Variants in ARHGAP42 observed in about 807,000 individuals in gnomAD.
ARHGAP42 encodes Rho GTPase activating protein 42.
Under a neutral mutation model 125.0 loss-of-function variants are expected in ARHGAP42, and 63 were observed. That is an observed-to-expected ratio of 0.50 (90% CI 0.41 to 0.62). The LOEUF (loss-of-function observed/expected upper bound fraction) is 0.62, where lower values mean the gene tolerates loss of function less well. ARHGAP42 is among the 20% of genes least tolerant of loss of function. The probability of loss-of-function intolerance (pLI) is 0.00; values close to 1 mark genes in which losing one functional copy is unlikely to be tolerated. For synonymous variants in ARHGAP42, 339 were observed against 351.0 expected, an observed-to-expected ratio of 0.97 and a Z score of 0.38; for missense variants, 766 against 1,024.2, an observed-to-expected ratio of 0.75 and a Z score of 3.44.
intron 1 of ARHGAP42, among the ~76,000 whole-genome samples, chr11:100,735,571 A>G (rs1436835820): frequency 6.7e-6 from 1 of 149,860 alleles, no homozygotes; most frequent in Non-Finnish European, 1.5e-5. Context: ...AACTGGGGAA[A>G]GGTTGGTGAT....
intron 3 of ARHGAP42, among the ~76,000 whole-genome samples, chr11:100,816,316 T>G (rs955503222): frequency 6.6e-6 from 1 of 151,918 alleles, no homozygotes; most frequent in Non-Finnish European, 1.5e-5. Context: ...AACACTTGTT[T>G]TTTTGTTTTT....
chr11:100,837,670 T>TA (rs1472514726), intron 3 of ARHGAP42, among the ~76,000 whole-genome samples: 20,887 of 80,136 alleles, frequency 0.26, 1,896 homozygotes, highest in East Asian at 0.42. Flanking sequence ...GTCATCCTTT[T>TA]TTTTTTTTTT....
chr11:100,960,147 C>G (rs192480355), intron 13 of ARHGAP42, among the ~76,000 whole-genome samples: 7 of 152,008 alleles, frequency 4.6e-5, no homozygotes, highest in Admixed American at 1.3e-4. Context: ...AGGCATACTT[C>G]TTTTTTAGAT....
chr11:100,744,378 G>A (rs77928972), intron 1 of ARHGAP42, among the ~76,000 whole-genome samples: 3,959 of 151,924 alleles, frequency 0.026, 68 homozygotes, highest in Non-Finnish European at 0.031. Context: ...TCTTTATCTG[G>A]TATTTTAAAG....
chr11:100,956,986 TTC>T (rs1857822473), intron 12 of ARHGAP42, among the ~76,000 whole-genome samples: 1 of 152,162 alleles, frequency 6.6e-6, no homozygotes, highest in African/African-American at 2.4e-5. Flanking sequence ...ATTTGCATTC[TTC>T]TCTAGTCAAT....
Position 100,965,581 on chromosome 11 carries a change from G to A in ARHGAP42, c.1445-90G>A. 3.9e-6 allele frequency: 4 copies of A among 1,026,668 alleles called. No individual in the cohort carries two copies. In the South Asian group the frequency reaches 5.5e-5, roughly 14 times the overall value. 63.6% of individuals were successfully genotyped at this position (1,026,668 alleles called of 1,614,324 possible). A position where few individuals can be genotyped will look rare whatever the true frequency, so the allele number is the denominator to read the frequency against. ...AATGCCTATGAGGCATGAGGGGTAG[G>A]AGTGGTAATTGTGATTAGATTACTA... On this transcript the variant is annotated intron_variant, in intron 16 of 23. Transcript: ENST00000298815.
chr11:100,778,393 T>A (rs1032366405), intron 2 of ARHGAP42, among the ~76,000 whole-genome samples: 1 of 152,182 alleles, frequency 6.6e-6, no homozygotes, highest in Non-Finnish European at 1.5e-5. Context: ...CAGACCCTCA[T>A]TACAACCACT....
intron 3 of ARHGAP42, among the ~76,000 whole-genome samples, chr11:100,842,110 A>G (rs996992374): frequency 6.6e-6 from 1 of 152,202 alleles, no homozygotes; most frequent in Non-Finnish European, 1.5e-5. Context: ...TCAGTTTACA[A>G]GAACTTCATT....
intron 2 of ARHGAP42, among the ~76,000 whole-genome samples, chr11:100,791,211 C>T (rs952083128): frequency 6.6e-6 from 1 of 152,166 alleles, no homozygotes; most frequent in Non-Finnish European, 1.5e-5. Context: ...TGCTGGGGCA[C>T]ACTAGGCAGT....
chr11:100,761,577 G>T (rs1050314406), intron 1 of ARHGAP42, among the ~76,000 whole-genome samples: 4 of 152,100 alleles, frequency 2.6e-5, no homozygotes, highest in Non-Finnish European at 5.9e-5. Flanking sequence ...CCAAGTGTTG[G>T]TTCCTATTTG....
chr11:100,867,312 A>G (rs924151275), intron 4 of ARHGAP42, among the ~76,000 whole-genome samples: 1 of 152,202 alleles, frequency 6.6e-6, no homozygotes, highest in East Asian at 1.9e-4. Flanking sequence ...CTTCTAAGAG[A>G]AGGCTGTTTT....
At chr11:100,769,523 A>C (rs969793602) in intron 1 of ARHGAP42, among the ~76,000 whole-genome samples, 1 of 152,102 alleles carries the variant, frequency 6.6e-6, no homozygotes, top group Admixed American at 6.6e-5. Context: ...AGTATGTTTA[A>C]CTTGAGTCTC....
chr11:100,989,144 G>C lies in ARHGAP42; in HGVS notation c.*343G>C. On this transcript the variant is annotated 3_prime_UTR_variant, in exon 24 of 24. Transcript: ENST00000298815. ...CCAGAAATTTGGAAACCAGAAATCT[G>C]CTATATGGATTTTGAGATCTGTCCT... The C allele has an allele frequency of 2.5e-6, 1 of 401,884 alleles. No homozygotes were observed. Among genetic ancestry groups the C allele is most frequent in the East Asian group, 3.5e-5 (1 of 28,400 alleles). 24.9% of individuals were successfully genotyped at this position (401,884 alleles called of 1,614,324 possible).
chr11:100,910,524 C>A (rs1401597504), intron 4 of ARHGAP42, among the ~76,000 whole-genome samples: 1 of 152,004 alleles, frequency 6.6e-6, no homozygotes, highest in Non-Finnish European at 1.5e-5. Context: ...CATTTAGGAA[C>A]AATTCATGGG....
intron 12 of ARHGAP42, among the ~76,000 whole-genome samples, chr11:100,952,416 G>A (rs1857682672): frequency 6.6e-6 from 1 of 152,122 alleles, no homozygotes; most frequent in Admixed American, 6.6e-5. Flanking sequence ...TGCAGATTAA[G>A]TATTATGTTG....
intron 1 of ARHGAP42, among the ~76,000 whole-genome samples, chr11:100,736,160 G>A (rs1262427416): frequency 2.0e-5 from 3 of 152,204 alleles, no homozygotes; most frequent in Non-Finnish European, 4.4e-5. Flanking sequence ...TGTTTAGGTG[G>A]TTTTAGTTAG....
At chr11:100,927,573 T>C (rs1468117805) in intron 6 of ARHGAP42, among the ~76,000 whole-genome samples, 8 of 151,768 alleles carry the variant, frequency 5.3e-5, no homozygotes, top group African/African-American at 1.9e-4. Context: ...CTGCATCCTA[T>C]GTGTTTGGTA....
chr11:100,815,596 G>A (rs1459375456), intron 3 of ARHGAP42, among the ~76,000 whole-genome samples: 2 of 152,160 alleles, frequency 1.3e-5, no homozygotes, highest in African/African-American at 4.8e-5. Context: ...AGTCCAATTA[G>A]AGAATACCTA....
intron 2 of ARHGAP42, among the ~76,000 whole-genome samples, chr11:100,792,932 T>G (rs1239444098): frequency 6.6e-6 from 1 of 151,998 alleles, no homozygotes; most frequent in Non-Finnish European, 1.5e-5. Flanking sequence ...TTTTTTGTAT[T>G]TTTAGTAGAG....
Sources: allele counts gnomAD v4.1 joint callset (sites outside exome capture counted in the v4.1 genomes callset), GRCh38; gene constraint gnomAD v4.1.1; transcripts MANE v1.5; gene names NCBI Gene and HGNC (gene_info 2026-07-23, HGNC 2026-07-21).